Variants in PMF1 observed in about 807,000 individuals in gnomAD.
PMF1 encodes the protein polyamine modulated factor 1.
PMF1 carries 21 observed loss-of-function variants against 26.7 expected under a neutral mutation model. The ratio of observed to expected loss-of-function variants is 0.79; its 90% CI spans 0.56 to 1.13. The LOEUF is 1.13. Among genes scored for constraint, PMF1 ranks in the 50% most tolerant of loss-of-function variants. The pLI, the probability that PMF1 is intolerant of heterozygous loss-of-function variation, is 0.00. For missense variants in PMF1, 266 were observed against 254.9 expected (o/e 1.04, Z -0.30); for synonymous variants, 105 against 101.0 (o/e 1.04, Z -0.24).
chr1:156,238,431 T>C (rs891737121), intron 4 of PMF1, among the ~76,000 whole-genome samples: 5 of 152,310 alleles, frequency 3.3e-5, no homozygotes, highest in African/African-American at 1.2e-4. Context: ...AAGATGATGA[T>C]CAAGCTGAAT....
At position 156,232,315 on chromosome 1, in the gene PMF1, G is replaced by T. The variant is rs753496936; in HGVS notation, c.162-5G>T. The T allele has an allele frequency of 6.2e-7, 1 of 1,613,522 alleles. No individual in the cohort carries two copies. Among genetic ancestry groups the T allele is most frequent in the South Asian group, 1.1e-5 (1 of 91,044 alleles). On this transcript the variant is annotated splice_region_variant and splice_polypyrimidine_tract_variant and intron_variant, in intron 1 of 4. Coordinates refer to ENST00000368277, the MANE Select transcript of PMF1 (RefSeq NM_007221.4). Reference sequence around the variant, plus strand: ...CCCCACCTTTGCTTCTCTCCTTCCCGCCAGCTACCAGAGATTCACTGACTG... The same window carrying T: ...CCCCACCTTTGCTTCTCTCCTTCCCTCCAGCTACCAGAGATTCACTGACTG...
intron 1 of PMF1, among the ~76,000 whole-genome samples, chr1:156,224,608 C>G (rs926408985): frequency 6.6e-6 from 1 of 151,804 alleles, no homozygotes; most frequent in African/African-American, 2.4e-5. Context: ...ACTAAAAATA[C>G]AAACAATTAG....
intron 4 of PMF1, chr1:156,237,284 T>C (rs1659073681): frequency 1.1e-5 from 1 of 90,412 alleles, no homozygotes; most frequent in Admixed American, 9.0e-5. Flanking sequence ...TACACTACTG[T>C]TGAACAGAAT....
At chr1:156,225,615 T>C in intron 1 of PMF1, 1 of 1,564,818 alleles carries the variant, frequency 6.4e-7, no homozygotes, top group Non-Finnish European at 8.7e-7. Flanking sequence ...TGGTGGACAG[T>C]CTGTGAAACA....
chr1:156,225,634 G>T, intron 1 of PMF1: 2 of 1,562,452 alleles, frequency 1.3e-6, no homozygotes, highest in South Asian at 2.4e-5. Context: ...CAGGCCTTCA[G>T]TTGGGCGGCG....
chr1:156,231,820 G>GC (rs1373227911), intron 1 of PMF1, among the ~76,000 whole-genome samples: 1 of 152,182 alleles, frequency 6.6e-6, no homozygotes, highest in East Asian at 1.9e-4. Context: ...TCAGGCCAGG[G>GC]CCCCCATGGT....
intron 4 of PMF1, among the ~76,000 whole-genome samples, chr1:156,237,507 C>T (rs1402556319): frequency 2.1e-5 from 3 of 143,076 alleles, no homozygotes; most frequent in Non-Finnish European, 3.0e-5. Context: ...AGTGCAGTGG[C>T]ACGATCTCAG....
intron 1 of PMF1, among the ~76,000 whole-genome samples, chr1:156,213,804 A>G (rs1657531497): frequency 6.6e-6 from 1 of 152,242 alleles, no homozygotes; most frequent in South Asian, 2.1e-4. Context: ...TGACACATAG[A>G]AAGATTTGTT....
rs1659236868 is a variant in PMF1 at position 156,239,663 on chromosome 1, C to G, written c.*62C>G. 7.0e-7 allele frequency: 1 copy of G among 1,420,414 alleles called. No individual in the cohort carries two copies. Among genetic ancestry groups the G allele is most frequent in the African/African-American group, 1.4e-5 (1 of 70,878 alleles). The allele number at this position is 1,420,414 out of a possible 1,614,324, so 88.0% of individuals were successfully genotyped here. A position where few individuals can be genotyped will look rare whatever the true frequency, so the allele number is the denominator to read the frequency against. On this transcript the variant is annotated 3_prime_UTR_variant, in exon 5 of 5. Transcript: ENST00000368277. ...GTCAAGAGCCTGTGGTCCAGCATGC[C>G]TGGCCTGGGCGGGCTACCTCTGAGA...
chr1:156,216,614 C>CGGCCCG (rs956665191), intron 1 of PMF1, among the ~76,000 whole-genome samples: 1 of 151,814 alleles, frequency 6.6e-6, no homozygotes, highest in East Asian at 1.9e-4. Flanking sequence ...CTCCCGGTGC[C>CGGCCCG]GGCCCGGGTC....
At chr1:156,234,424 A>C (rs1369330109) in intron 3 of PMF1, among the ~76,000 whole-genome samples, 1 of 152,134 alleles carries the variant, frequency 6.6e-6, no homozygotes, top group African/African-American at 2.4e-5. Context: ...TTACAGGTGT[A>C]GATGAGGCTG....
At chr1:156,232,273 G>A (rs749469301) in intron 1 of PMF1, 47 bp from the exon 2 acceptor site, 4 of 1,577,584 alleles carry the variant, frequency 2.5e-6, no homozygotes, top group Non-Finnish European at 3.5e-6. Flanking sequence ...CTGATGGCCG[G>A]CCTCATGCTT....
At chr1:156,230,796 T>A (rs78311151) in intron 1 of PMF1, among the ~76,000 whole-genome samples, 3 of 152,022 alleles carry the variant, frequency 2.0e-5, no homozygotes, top group African/African-American at 7.3e-5. Context: ...GCATGATGGC[T>A]CACCCCTAGA....
chr1:156,225,556 G>T (rs1377956455), intron 1 of PMF1: 4 of 1,535,410 alleles, frequency 2.6e-6, no homozygotes, highest in Admixed American at 2.0e-5. Context: ...TTTGTTCTCA[G>T]CTCTCCACTC....
intron 4 of PMF1, 131 bp from the exon 5 acceptor site, chr1:156,239,417 C>A (rs1659224692): frequency 1.4e-6 from 1 of 703,516 alleles, no homozygotes. Context: ...TCTGCAGGGC[C>A]CATGACTTAG....
At chr1:156,214,541 G>C (rs764479142) in intron 1 of PMF1, among the ~76,000 whole-genome samples, 26 of 152,266 alleles carry the variant, frequency 1.7e-4, no homozygotes, top group African/African-American at 5.8e-4. Flanking sequence ...CATTCAATGC[G>C]TAGAGACGCC....
At position 156,236,582 on chromosome 1, in the gene PMF1, CA is replaced by C. The variant is rs942364026; in HGVS notation, c.564+100del. The C allele has an allele frequency of 2.1e-6, 3 of 1,451,022 alleles. No homozygotes were observed. The East Asian group carries it at 7.4e-5, about 36-fold the overall frequency. The allele number at this position is 1,451,022 out of a possible 1,614,324, so 89.9% of individuals were successfully genotyped here. A position where few individuals can be genotyped will look rare whatever the true frequency, so the allele number is the denominator to read the frequency against. On this transcript the variant is annotated intron_variant, in intron 4 of 4. Coordinates refer to ENST00000368277, the MANE Select transcript of PMF1 (RefSeq NM_007221.4). ...TCCATTCCAACACAGGGGACCCCCA[CA>C]GGGGGTAGGAGAGCTTGCCCCCTGG...
At chr1:156,216,162 G>A (rs977306863) in intron 1 of PMF1, among the ~76,000 whole-genome samples, 2 of 151,892 alleles carry the variant, frequency 1.3e-5, no homozygotes, top group Middle Eastern at 3.4e-3. Flanking sequence ...AGGCAGAGGC[G>A]GGTGGATCAC....
At chr1:156,226,041 G>C (rs536029087) in intron 1 of PMF1, among the ~76,000 whole-genome samples, 1 of 152,198 alleles carries the variant, frequency 6.6e-6, no homozygotes, top group East Asian at 1.9e-4. Context: ...TTTTAGTAGA[G>C]ATGGGGTTTC....
Sources: gnomAD v4.1 joint callset for allele counts (sites outside exome capture counted in the v4.1 genomes callset) on GRCh38, gnomAD v4.1.1 for gene constraint, MANE v1.5 for transcripts, NCBI Gene and HGNC (gene_info 2026-07-23, HGNC 2026-07-21) for gene names.